TMEM132C: variants seen among roughly 807,000 people sequenced by gnomAD.
TMEM132C encodes the protein protein phosphatase 1, regulatory subunit 152.
A neutral mutation model predicts 61.4 loss-of-function variants in TMEM132C; 29 were observed. That is an observed-to-expected ratio of 0.47 (90% CI 0.35 to 0.64). The LOEUF is 0.64. TMEM132C is among the 30% of genes least tolerant of loss of function. The probability of loss-of-function intolerance (pLI) is 0.00; values close to 1 mark genes in which losing one functional copy is unlikely to be tolerated. For missense variants in TMEM132C, 1,408 were observed against 1,476.9 expected (o/e 0.95, Z 0.76); for synonymous variants, 656 against 633.1 (o/e 1.04, Z -0.54).
chr12:128,532,697 A>G (rs1427446649), intron 2 of TMEM132C, among the ~76,000 whole-genome samples: 2 of 151,334 alleles, frequency 1.3e-5, no homozygotes, highest in Admixed American at 6.6e-5. Flanking sequence ...GAAACATATT[A>G]AAGAAATGAT....
At chr12:128,345,297 A>G (rs1263987665) in intron 1 of TMEM132C, among the ~76,000 whole-genome samples, 1 of 152,160 alleles carries the variant, frequency 6.6e-6, no homozygotes, top group Non-Finnish European at 1.5e-5. Context: ...TTCTTTATCC[A>G]GTCTATCACT....
At chr12:128,367,039 C>T (rs940431968) in intron 1 of TMEM132C, among the ~76,000 whole-genome samples, 7 of 152,034 alleles carry the variant, frequency 4.6e-5, no homozygotes, top group Admixed American at 2.0e-4. Flanking sequence ...TGAGCTGGGG[C>T]CAGAATGAAA....
chr12:128,521,005 T>C lies in TMEM132C; in HGVS notation c.975-22952T>C, dbSNP rs114700121. ...GCACCTGAAAGGAAAGGAATGTGCT[T>C]ATTAAGGTGCACTCCCAGGTTTAAA... On this transcript the variant is annotated intron_variant, in intron 2 of 8. Transcript: ENST00000435159. 2.4e-3 allele frequency among the ~76,000 whole-genome samples: 371 copies of C among 152,150 alleles called. 4 individuals are homozygous for C. The highest frequency in any genetic ancestry group is 8.4e-3 in the African/African-American group (347 of 41,514).
chr12:128,554,822 T>C (rs1243452922), intron 3 of TMEM132C, among the ~76,000 whole-genome samples: 2 of 151,202 alleles, frequency 1.3e-5, no homozygotes, highest in African/African-American at 4.9e-5. Flanking sequence ...CCGGTTCTTA[T>C]GGCTGTAAGT....
chr12:128,576,783 A>ATTGTTG (rs760541193), intron 3 of TMEM132C, among the ~76,000 whole-genome samples: 5 of 152,050 alleles, frequency 3.3e-5, no homozygotes, highest in Admixed American at 2.6e-4. Context: ...GGTTGTCGAC[A>ATTGTTG]TTGTTGTTGT....
chr12:128,469,131 G>C (rs959086923), intron 2 of TMEM132C, among the ~76,000 whole-genome samples: 2 of 152,094 alleles, frequency 1.3e-5, no homozygotes, highest in East Asian at 3.9e-4. Context: ...ATGAGGAAAT[G>C]GAAACATTTC....
chr12:128,669,043 G>A (rs1007862772), intron 4 of TMEM132C, among the ~76,000 whole-genome samples: 1 of 152,170 alleles, frequency 6.6e-6, no homozygotes, highest in Non-Finnish European at 1.5e-5. Flanking sequence ...TGAGAGGAAA[G>A]CATTATTCAA....
At position 128,569,278 on chromosome 12, in the gene TMEM132C, G is replaced by A. The variant is rs146659003; in HGVS notation, c.1121+25175G>A. Among the ~76,000 whole-genome samples, 300 of 152,308 alleles carry A rather than the reference G, an allele frequency of 2.0e-3. 1 individual carries two copies. The highest frequency in any genetic ancestry group is 6.9e-3 in the African/African-American group (287 of 41,560). ...CTGAGGGGATAAGGTGGTGGTTAAG[G>A]TCAGAGAGAGAAGCAGGGGCCAGTT... On this transcript the variant is annotated intron_variant, in intron 3 of 8. Transcript: ENST00000435159.
At chr12:128,291,795 T>C (rs1193402) in intron 1 of TMEM132C, among the ~76,000 whole-genome samples, 5 of 152,118 alleles carry the variant, frequency 3.3e-5, no homozygotes, top group African/African-American at 1.2e-4. Context: ...ATTCTAGTCC[T>C]GTCTGAGGCA....
At chr12:128,576,121 G>A (rs1875082920) in intron 3 of TMEM132C, among the ~76,000 whole-genome samples, 2 of 152,154 alleles carry the variant, frequency 1.3e-5, no homozygotes, top group African/African-American at 4.8e-5. Flanking sequence ...TGGGCTTGGT[G>A]GTGCATGTCT....
intron 2 of TMEM132C, among the ~76,000 whole-genome samples, chr12:128,467,919 C>T (rs1458181): frequency 0.073 from 11,035 of 152,162 alleles, 1,338 homozygotes; most frequent in African/African-American, 0.25. Context: ...GTTTATAGTC[C>T]GGTGGAGGAG....
chr12:128,291,474 C>T (rs1423003761), intron 1 of TMEM132C, among the ~76,000 whole-genome samples: 1 of 152,186 alleles, frequency 6.6e-6, no homozygotes, highest in East Asian at 1.9e-4. Context: ...TGAATGCAGC[C>T]GACCTGCTGC....
intron 1 of TMEM132C, among the ~76,000 whole-genome samples, chr12:128,298,212 A>G (rs957519100): frequency 9.9e-5 from 15 of 152,094 alleles, no homozygotes; most frequent in African/African-American, 3.6e-4. Flanking sequence ...TGCGGCTCCC[A>G]TTGTTCCAGA....
chr12:128,480,976 G>C (rs1871300199), intron 2 of TMEM132C, among the ~76,000 whole-genome samples: 3 of 152,216 alleles, frequency 2.0e-5, no homozygotes, highest in African/African-American at 7.2e-5. Context: ...ACAGGGTCCA[G>C]CTCCTTGCAC....
chr12:128,513,800 A>G (rs1010721690), intron 2 of TMEM132C, among the ~76,000 whole-genome samples: 1 of 152,206 alleles, frequency 6.6e-6, no homozygotes, highest in Non-Finnish European at 1.5e-5. Context: ...AGTGTCTGGC[A>G]AAGTCCTCAC....
At chr12:128,600,139 C>T (rs1280203368) in intron 3 of TMEM132C, among the ~76,000 whole-genome samples, 3 of 152,078 alleles carry the variant, frequency 2.0e-5, no homozygotes, top group Admixed American at 6.5e-5. Context: ...CCCGCCACTG[C>T]GCCCGGCTAA....
chr12:128,590,380 T>G (rs561516438), intron 3 of TMEM132C, among the ~76,000 whole-genome samples: 3 of 152,114 alleles, frequency 2.0e-5, no homozygotes, highest in Non-Finnish European at 2.9e-5. Context: ...GAAAACAGGA[T>G]GAGAAACATG....
At chr12:128,421,629 C>T (rs1350845160) in intron 2 of TMEM132C, among the ~76,000 whole-genome samples, 2 of 152,202 alleles carry the variant, frequency 1.3e-5, no homozygotes, top group Non-Finnish European at 2.9e-5. Flanking sequence ...AAGAAGCAGA[C>T]TGGATTTTGT....
At chr12:128,610,863 G>C (rs769514268) in intron 3 of TMEM132C, among the ~76,000 whole-genome samples, 9 of 152,160 alleles carry the variant, frequency 5.9e-5, no homozygotes, top group Admixed American at 2.6e-4. Flanking sequence ...ATGAGTCCCA[G>C]TTCACAGTGA....
Sources: gnomAD v4.1 joint callset for allele counts (sites outside exome capture counted in the v4.1 genomes callset) on GRCh38, gnomAD v4.1.1 for gene constraint, MANE v1.5 for transcripts, NCBI Gene and HGNC (gene_info 2026-07-23, HGNC 2026-07-21) for gene names.